Variants in MTMR1 observed in about 807,000 individuals in gnomAD.
MTMR1 encodes phosphatidylinositol-3-phosphate phosphatase MTMR1.
In MTMR1, 17 loss-of-function variants were observed where a neutral mutation model predicts 51.6. The ratio of observed to expected loss-of-function variants is 0.33; its 90% CI spans 0.23 to 0.49. The LOEUF is 0.49. Ranked by LOEUF, MTMR1 falls within the 20% of genes least tolerant of loss-of-function variation. The pLI is 0.99. For synonymous variants in MTMR1, 201 were observed against 205.6 expected, an observed-to-expected ratio of 0.98 and a Z score of 0.19; for missense variants, 386 against 526.9, an observed-to-expected ratio of 0.73 and a Z score of 2.62.
chrX:150,753,108 C>T (rs1361239445), intron 14 of MTMR1, among the ~76,000 whole-genome samples: 3 of 112,085 alleles, frequency 2.7e-5, no homozygotes, highest in Non-Finnish European at 5.6e-5. Context: ...AATAGGTGAA[C>T]TTATATGACT....
intron 15 of MTMR1, among the ~76,000 whole-genome samples, chrX:150,761,417 G>C (rs5925422): frequency 0.33 from 37,307 of 111,507 alleles, 4,959 homozygotes; most frequent in Middle Eastern, 0.48. Flanking sequence ...CCCTCCAGGA[G>C]GGCTGATCAC....
In MTMR1 at chrX:150,722,170, C is replaced by T. The variant is rs150290915; in HGVS notation, c.352+3470C>T. Among the ~76,000 whole-genome samples, 806 of 111,930 alleles carry T rather than the reference C, an allele frequency of 7.2e-3. 6 individuals are homozygous for T. The highest frequency in any genetic ancestry group is 0.025 in the African/African-American group (783 of 30,857). On this transcript the variant is annotated intron_variant, in intron 4 of 15. Coordinates refer to ENST00000445323, the MANE Select transcript of MTMR1 (RefSeq NM_001306144.3). The stretch of plus-strand genomic sequence containing the variant: ...GGCTCATATTATGTCCCAGAATATG[C>T]CCTGTCTTGGTAAATGTTCTACATG...
At chrX:150,723,915 G>A (rs1347478933) in intron 4 of MTMR1, among the ~76,000 whole-genome samples, 2 of 111,869 alleles carry the variant, frequency 1.8e-5, no homozygotes, top group East Asian at 5.6e-4. Context: ...ACATGATCTC[G>A]TCCTTTTTTA....
At chrX:150,755,954 T>C in intron 15 of MTMR1, 89 bp downstream of exon 15, 2 of 766,872 alleles carry the variant, frequency 2.6e-6, no homozygotes, top group South Asian at 4.7e-5. Context: ...TAATGGTAGA[T>C]ATTAACATAC....
intron 14 of MTMR1, chrX:150,751,270 G>A: frequency 1.4e-6 from 1 of 734,016 alleles, no homozygotes; most frequent in Non-Finnish European, 1.6e-6. Flanking sequence ...TTACATCAAA[G>A]TAGTAAAGAA....
chrX:150,713,330 G>A (rs1216481671), intron 3 of MTMR1, among the ~76,000 whole-genome samples: 2 of 111,833 alleles, frequency 1.8e-5, no homozygotes, highest in African/African-American at 6.5e-5. Context: ...TTTAAAAAAT[G>A]GAAATTTCAA....
At chrX:150,693,391 C>T, upstream of MTMR1, 1 of 723,415 alleles carries the variant, frequency 1.4e-6, no homozygotes, top group South Asian at 7.0e-5. Flanking sequence ...GCGGGGCCGC[C>T]AGGTGACAGC....
intron 2 of MTMR1, among the ~76,000 whole-genome samples, chrX:150,702,826 T>G (rs1323888317): frequency 2.7e-5 from 3 of 111,898 alleles, no homozygotes; most frequent in African/African-American, 9.7e-5. Flanking sequence ...AAATGGCAAG[T>G]TTGGCAAGCA....
chrX:150,756,853 G>C (rs2042917544), intron 15 of MTMR1, among the ~76,000 whole-genome samples: 1 of 110,987 alleles, frequency 9.0e-6, no homozygotes, highest in African/African-American at 3.3e-5. Flanking sequence ...ATTTCACCAT[G>C]TTGGCCTGGC....
intron 10 of MTMR1, chrX:150,735,963 C>T (rs782749142): frequency 1.1e-3 from 131 of 116,801 alleles, no homozygotes; most frequent in Admixed American, 3.9e-3. Flanking sequence ...GGGTCCTTTC[C>T]TTCCTGTCTC....
chrX:150,760,105 A>G (rs962285364), intron 15 of MTMR1, among the ~76,000 whole-genome samples: 2 of 108,898 alleles, frequency 1.8e-5, no homozygotes, highest in Non-Finnish European at 3.9e-5. Context: ...TTCTCCCTCC[A>G]TTGTGCTACA....
intron 4 of MTMR1, among the ~76,000 whole-genome samples, chrX:150,719,378 G>A (rs1481861967): frequency 8.9e-6 from 1 of 112,115 alleles, no homozygotes; most frequent in African/African-American, 3.2e-5. Flanking sequence ...GTCATCTTGT[G>A]CCAAGAATAT....
intron 2 of MTMR1, among the ~76,000 whole-genome samples, chrX:150,700,927 T>G (rs1244639298): frequency 8.9e-6 from 1 of 112,765 alleles, no homozygotes; most frequent in African/African-American, 3.2e-5. Flanking sequence ...ATGAAGCAAC[T>G]AAGTTTTTTC....
At chrX:150,741,426 C>G (rs1317278553) in intron 12 of MTMR1, among the ~76,000 whole-genome samples, 1 of 112,150 alleles carries the variant, frequency 8.9e-6, no homozygotes, top group African/African-American at 3.2e-5. Flanking sequence ...AATGAAATGT[C>G]CTTTATGACT....
chrX:150,720,667 T>C (rs1287022054), intron 4 of MTMR1, among the ~76,000 whole-genome samples: 1 of 112,305 alleles, frequency 8.9e-6, no homozygotes, highest in African/African-American at 3.2e-5. Context: ...CTAGATCATA[T>C]GATAGCTATA....
At chrX:150,754,107 A>G (rs184743558) in intron 14 of MTMR1, among the ~76,000 whole-genome samples, 3 of 112,644 alleles carry the variant, frequency 2.7e-5, no homozygotes, top group Non-Finnish European at 5.6e-5. Flanking sequence ...TTTCTTGCCA[A>G]CCTTGTTGAA....
intron 15 of MTMR1, among the ~76,000 whole-genome samples, 186 bp downstream of exon 15, chrX:150,756,051 A>C (rs546730827): frequency 9.2e-4 from 103 of 111,850 alleles, no homozygotes; most frequent in African/African-American, 3.1e-3. Context: ...GCCAACTCTG[A>C]TGATGTTTGC....
Position 150,712,983 on chromosome X carries a change from CA to C in MTMR1, c.276+619del, listed in dbSNP as rs782064156. 4.4e-6 allele frequency: 4 copies of C among 911,912 alleles called. No individual in the cohort carries two copies. The East Asian group carries it at 3.6e-4, about 82-fold the overall frequency. 75.2% of individuals were successfully genotyped at this position (911,912 alleles called of 1,213,427 possible). ...AAGACAAAGATTGGTAATGTGCATG[CA>C]TTTAACAGACATTGAAAATTAACCT... On this transcript the variant is annotated intron_variant, in intron 3 of 15. Transcript: ENST00000445323.
At chrX:150,710,784 CAAAA>C (rs1416845317) in intron 2 of MTMR1, among the ~76,000 whole-genome samples, 1 of 112,256 alleles carries the variant, frequency 8.9e-6, no homozygotes, top group African/African-American at 3.2e-5. Flanking sequence ...TGAAGGAAAA[CAAAA>C]GAACTCAAAA....
Sources: allele counts gnomAD v4.1 joint callset (sites outside exome capture counted in the v4.1 genomes callset), GRCh38; gene constraint gnomAD v4.1.1; transcripts MANE v1.5; gene names NCBI Gene and HGNC (gene_info 2026-07-23, HGNC 2026-07-21).